The following TLE2 variants were observed in gnomAD, a reference collection of about 807,000 sequenced individuals.
TLE2 encodes the protein transducin-like enhancer protein 2.
TLE2 carries 74 observed loss-of-function variants against 97.2 expected under a neutral mutation model. That is an observed-to-expected ratio of 0.76 (90% CI 0.63 to 0.92). The LOEUF is 0.92. Ranked by LOEUF, TLE2 falls within the 40% of genes least tolerant of loss-of-function variation. The pLI, the probability that TLE2 is intolerant of heterozygous loss-of-function variation, is 0.00. For missense variants in TLE2, 1,038 were observed against 1,008.7 expected, an observed-to-expected ratio of 1.03 and a Z score of -0.39; for synonymous variants, 499 against 432.1, an observed-to-expected ratio of 1.15 and a Z score of -1.92.
intron 8 of TLE2, 101 bp downstream of exon 8, chr19:3,017,739 A>G (rs1168349776): frequency 4.3e-6 from 5 of 1,152,036 alleles, no homozygotes; most frequent in African/African-American, 3.2e-5. Context: ...GGCGTGAGCC[A>G]CCATGATCGA....
chr19:3,020,745 C>A, intron 5 of TLE2, among the ~76,000 whole-genome samples: 1 of 152,038 alleles, frequency 6.6e-6, no homozygotes, highest in Non-Finnish European at 1.5e-5. Context: ...TGGTGGGTGG[C>A]GGCAGCATAT....
chr19:3,034,039 G>A (rs534193678), upstream of TLE2, among the ~76,000 whole-genome samples: 83 of 152,054 alleles, frequency 5.5e-4, no homozygotes, highest in Non-Finnish European at 9.0e-4. Context: ...CTGAGACCCA[G>A]CCCTGTGGGT....
chr19:3,027,838 C>T lies in TLE2; in HGVS notation c.222G>A (p.Met74Ile), dbSNP rs1429327690. The change falls in exon 4 of 20, where the codon ATG becomes ATA. Residue 74 changes from methionine (M) to isoleucine (I), a missense_variant. Transcript: ENST00000262953. ...YEMSYGLNIE[M>I]HKQAEIVKRL... ...ACCCCAACCCAGTTACCTGCTTATG[C>T]ATTTCAATGTTGAGCCCGTACGACA... 1.2e-6 allele frequency: 2 copies of T among 1,611,586 alleles called. No individual in the cohort carries two copies. The highest frequency in any genetic ancestry group is 1.1e-5 in the South Asian group (1 of 90,084).
chr19:2,998,109 C>T (rs1015812437), intron 19 of TLE2, among the ~76,000 whole-genome samples, 154 bp from the exon 20 acceptor site: 25 of 151,826 alleles, frequency 1.6e-4, no homozygotes, highest in Non-Finnish European at 2.8e-4. Flanking sequence ...TTGTTCTTGT[C>T]GCCCAGGCTG....
In TLE2 at chr19:3,035,957, C is replaced by T. The variant is rs1395815503; in HGVS notation, c.64-7154G>A. Among the ~76,000 whole-genome samples the T allele has an allele frequency of 2.0e-5, 3 of 152,316 alleles. No homozygotes were observed. In the East Asian group the frequency reaches 5.8e-4, roughly 29 times the overall value. On this transcript the variant is annotated intron_variant, in intron 1 of 18. Coordinates refer to the TLE2 transcript ENST00000426948. Reference sequence around the variant, plus strand: ...CACCCCCAAGCCTGGCCTATCTCCCCTTCAAAACAAGGGACCCTCGTGCAA... The same window carrying T: ...CACCCCCAAGCCTGGCCTATCTCCCTTTCAAAACAAGGGACCCTCGTGCAA...
At chr19:3,033,417 T>A (rs1266567674), upstream of TLE2, among the ~76,000 whole-genome samples, 2 of 152,192 alleles carry the variant, frequency 1.3e-5, no homozygotes, top group East Asian at 3.9e-4. Flanking sequence ...TCCGCCCGCC[T>A]CAGCCTCCCA....
intron 19 of TLE2, among the ~76,000 whole-genome samples, chr19:2,998,278 ATTTTT>A (rs147412730): frequency 1.9e-5 from 2 of 106,702 alleles, no homozygotes; most frequent in Admixed American, 9.7e-5. Context: ...TGTGTGTGTA[ATTTTT>A]TTTTTTTTTT....
At chr19:3,036,423 T>C (rs2090063566) in intron 1 of TLE2, among the ~76,000 whole-genome samples, 2 of 152,088 alleles carry the variant, frequency 1.3e-5, no homozygotes, top group African/African-American at 4.8e-5. Context: ...TTACAGCCCA[T>C]TGATCCGACC....
Position 3,029,086 on chromosome 19 carries a change from G to A in TLE2, c.-182C>T. On this transcript the variant is annotated 5_prime_UTR_variant, in exon 1 of 20. Coordinates refer to ENST00000262953, the MANE Select transcript of TLE2 (RefSeq NM_003260.5). ...GCGCCCCCAAGCGCGCGCGCCCGGG[G>A]TCGTGGGAGCCCCTCCCCGGGTTGG... The A allele has an allele frequency of 7.9e-7, 1 of 1,272,230 alleles. No homozygotes were observed. The highest frequency in any genetic ancestry group is 9.9e-7 in the Non-Finnish European group (1 of 1,007,368). 78.8% of individuals were successfully genotyped at this position (1,272,230 alleles called of 1,614,324 possible).
At chr19:3,026,766 C>T (rs1022679519) in intron 4 of TLE2, among the ~76,000 whole-genome samples, 1 of 152,082 alleles carries the variant, frequency 6.6e-6, no homozygotes, top group African/African-American at 2.4e-5. Flanking sequence ...CATCTCAGTA[C>T]ACAGATAGGA....
intron 19 of TLE2, among the ~76,000 whole-genome samples, chr19:2,998,161 C>G (rs2089259382): frequency 6.6e-6 from 1 of 151,964 alleles, no homozygotes; most frequent in South Asian, 2.1e-4. Flanking sequence ...ACCTCCACCT[C>G]CCGGGTTCAA....
chr19:3,044,679 C>G (rs563804229), intron 1 of TLE2, among the ~76,000 whole-genome samples: 1 of 152,156 alleles, frequency 6.6e-6, no homozygotes, highest in African/African-American at 2.4e-5. Context: ...CTCGGCCTCC[C>G]GAAGCGCTGG....
intron 4 of TLE2, chr19:3,025,615 C>T: frequency 1.0e-6 from 1 of 985,954 alleles, no homozygotes; most frequent in Non-Finnish European, 1.2e-6. Context: ...AGGATTTCAT[C>T]TGGAGAGGGT....
At chr19:2,998,014 G>T in intron 19 of TLE2, 59 bp from the exon 20 acceptor site, 2 of 1,262,140 alleles carry the variant, frequency 1.6e-6, no homozygotes, top group South Asian at 1.3e-5. Flanking sequence ...ACAGATGGGT[G>T]TGTGGGCAAG....
intron 19 of TLE2, among the ~76,000 whole-genome samples, chr19:2,998,681 G>A (rs2089281876): frequency 6.6e-6 from 1 of 152,302 alleles, no homozygotes; most frequent in South Asian, 2.1e-4. Context: ...CCAAAGTGCT[G>A]GGATTACAAG....
At chr19:3,014,879 C>T (rs901527184) in intron 9 of TLE2, among the ~76,000 whole-genome samples, 5 of 151,982 alleles carry the variant, frequency 3.3e-5, no homozygotes, top group African/African-American at 7.2e-5. Context: ...GTGTGACTCC[C>T]GGCCCTCTCA....
At chr19:3,040,914 C>T (rs924931905) in intron 1 of TLE2, among the ~76,000 whole-genome samples, 5 of 146,260 alleles carry the variant, frequency 3.4e-5, no homozygotes, top group East Asian at 2.0e-4. Flanking sequence ...TGTGGACCTC[C>T]GTTTGCTCAT....
At chr19:3,043,253 C>T (rs2145236665) in intron 1 of TLE2, among the ~76,000 whole-genome samples, 1 of 152,080 alleles carries the variant, frequency 6.6e-6, no homozygotes, top group East Asian at 1.9e-4. Context: ...GTAGCTGAGA[C>T]CACAATCGTA....
intron 12 of TLE2, 93 bp downstream of exon 12, chr19:3,010,929 G>C (rs2089581883): frequency 1.4e-6 from 2 of 1,471,710 alleles, no homozygotes; most frequent in Non-Finnish European, 9.1e-7. Context: ...ACCAAGCCTG[G>C]AATCCCAGCA....
Sources: allele counts gnomAD v4.1 joint callset (sites outside exome capture counted in the v4.1 genomes callset), GRCh38; gene constraint gnomAD v4.1.1; transcripts MANE v1.5; gene names NCBI Gene and HGNC (gene_info 2026-07-23, HGNC 2026-07-21).